Variants in TTN observed in about 807,000 individuals in gnomAD.
The protein encoded by TTN is titin.
A neutral mutation model predicts 3,223.0 loss-of-function variants in TTN; 1,525 were observed. The ratio of observed to expected loss-of-function variants is 0.47; its 90% CI spans 0.45 to 0.49. The LOEUF is 0.49. Among genes scored for constraint, TTN ranks in the 20% least tolerant of loss-of-function variants. The pLI is 0.00. For synonymous variants in TTN, 14,094 were observed against 15,161.0 expected, an observed-to-expected ratio of 0.93 and a Z score of 5.17; for missense variants, 40,786 against 43,424.0, an observed-to-expected ratio of 0.94 and a Z score of 5.40.
intron 163 of TTN, 65 bp from the exon 164 acceptor site, chr2:178,665,856 C>T: frequency 1.3e-6 from 1 of 788,742 alleles, no homozygotes; most frequent in South Asian, 6.2e-5. Flanking sequence ...CCCATCTTAA[C>T]TGCACATACA....
intron 38 of TTN, 152 bp from the exon 39 acceptor site, chr2:178,768,307 C>T: frequency 8.8e-7 from 1 of 1,130,774 alleles, no homozygotes. Flanking sequence ...TTAGAACATT[C>T]TCATTCCCCA....
At position 178,757,743 on chromosome 2, in the gene TTN, T is replaced by G; in HGVS notation, c.10477A>C (p.Lys3493Gln). The G allele has an allele frequency of 6.2e-7, 1 of 1,613,894 alleles. No homozygotes were observed. The highest frequency in any genetic ancestry group is 8.5e-7 in the Non-Finnish European group (1 of 1,179,804). Residue 3493 changes from lysine to glutamine, a missense_variant, in exon 45 of 363, where the codon AAG becomes CAG. Transcript: ENST00000589042. The part of the protein sequence containing the change: ...RFHARVSGIP[K>Q]PEIQWFHNQQ... ...TTATGAAACCATTGGATTTCTGGCTTGGGAATGCCAGAAACCCTCGCATGA... is the reference window on the plus strand; with the variant it reads ...TTATGAAACCATTGGATTTCTGGCTGGGGAATGCCAGAAACCCTCGCATGA...
At chr2:178,640,202 A>G (rs2061047533) in intron 221 of TTN, 92 bp from the exon 222 acceptor site, 1 of 1,154,260 alleles carries the variant, frequency 8.7e-7, no homozygotes, top group Admixed American at 2.3e-5. Context: ...GTATCTTGGA[A>G]GATATTAGAA....
At position 178,699,567 on chromosome 2, in the gene TTN, G is replaced by A. The variant is rs528060300; in HGVS notation, c.30683-653C>T. The stretch of plus-strand genomic sequence containing the variant: ...GCTGGGACTACAGGCGCCCGCCACC[G>A]CGCCCGGCTAATTTTTTGTATTTTT... On this transcript the variant is annotated intron_variant, in intron 111 of 362. Transcript: ENST00000589042. Among the ~76,000 whole-genome samples, 350 of 138,334 alleles carry A rather than the reference G, an allele frequency of 2.5e-3. 3 individuals carry two copies. Among genetic ancestry groups the A allele is most frequent in the African/African-American group, 8.3e-3 (314 of 37,610 alleles). The allele number at this position is 138,334 out of a possible 152,430, so 90.8% of individuals were successfully genotyped here.
At chr2:178,537,288 T>C in intron 355 of TTN, 45 bp from the exon 356 acceptor site, 1 of 1,532,544 alleles carries the variant, frequency 6.5e-7, no homozygotes, top group African/African-American at 1.4e-5. Flanking sequence ...TAGTGTGTTT[T>C]TGAGATTTTT....
rs956813031 is a variant in TTN at position 178,728,774 on chromosome 2, T to C, written c.19152A>G (p.Pro6384=). 6.3e-6 allele frequency: 10 copies of C among 1,597,684 alleles called. No individual in the cohort carries two copies. The African/African-American group carries it at 1.3e-4, about 21-fold the overall frequency. The change falls in exon 66 of 363, where the codon CCA becomes CCG. Residue 6384 remains proline, a synonymous_variant. Coordinates refer to ENST00000589042, the MANE Select transcript of TTN (RefSeq NM_001267550.2). Reference sequence around the variant, plus strand: ...ATTTAGCTTTCTCTACGATTTGAGCTGGTTCTGTAGTAAAAATGAAAATGT... The same window carrying C: ...ATTTAGCTTTCTCTACGATTTGAGCCGGTTCTGTAGTAAAAATGAAAATGT... ...RCYAFLLVQE[P]AQIVEKAKSV...
In TTN at chr2:178,581,644, T is replaced by C. The variant is rs2047769242; in HGVS notation, c.66624A>G (p.Leu22208=). 6.2e-7 allele frequency: 1 copy of C among 1,612,796 alleles called. No homozygotes were observed. The highest frequency in any genetic ancestry group is 1.7e-5 in the Admixed American group (1 of 59,942). Residue 22208 remains leucine, a synonymous_variant, in exon 316 of 363, where the codon TTA becomes TTG. Transcript: ENST00000589042. ...AGCGGGTTTTCTGTAGATTCTGTGG[T>C]AAGTTGCACCTCACCCAGTTATCGG... ...ADSDNWVRCN[L]PQNLQKTRFE...
At position 178,557,755 on chromosome 2, in the gene TTN, A is replaced by G; in HGVS notation, c.87599T>C (p.Met29200Thr). The G allele has an allele frequency of 2.5e-6, 4 of 1,613,954 alleles. No homozygotes were observed. Among genetic ancestry groups the G allele is most frequent in the South Asian group, 2.2e-5 (2 of 91,080 alleles). ...ATVARTMMKV[M>T]KLTTGEEYQF... The stretch of plus-strand genomic sequence containing the variant: ...GTATTCTTCTCCTGTGGTCAGTTTC[A>G]TGACTTTCATCATGGTTCTTGCAAC... Residue 29200 changes from methionine to threonine, a missense_variant, in exon 328 of 363, where the codon ATG becomes ACG. Transcript: ENST00000589042.
chr2:178,651,984 T>C lies in TTN; in HGVS notation c.39296-17A>G. 1 of 1,610,948 alleles carries C rather than the reference T, an allele frequency of 6.2e-7. No homozygotes were observed. Among genetic ancestry groups the C allele is most frequent in the Non-Finnish European group, 8.5e-7 (1 of 1,178,476 alleles). On this transcript the variant is annotated splice_polypyrimidine_tract_variant and intron_variant, in intron 204 of 362. Coordinates refer to ENST00000589042, the MANE Select transcript of TTN (RefSeq NM_001267550.2). ...CCTCGAACACTTTAAAGACATGAGC[T>C]CATTTTAATGCCAGAATTGACTAAA...
chr2:178,580,293 T>C (rs1177844825), intron 317 of TTN, 29 bp downstream of exon 317: 2 of 1,606,000 alleles, frequency 1.2e-6, no homozygotes, highest in Non-Finnish European at 8.5e-7. Context: ...TTTTAAAATA[T>C]ATATGATTCT....
In TTN at chr2:178,553,303, C is replaced by T; in HGVS notation, c.89597G>A (p.Arg29866Lys). The T allele has an allele frequency of 6.2e-7, 1 of 1,607,856 alleles. No homozygotes were observed. Among genetic ancestry groups the T allele is most frequent in the Non-Finnish European group, 8.5e-7 (1 of 1,179,770 alleles). The change falls in exon 335 of 363, where the codon AGA becomes AAA. Residue 29866 changes from arginine (R) to lysine (K), a missense_variant. Physicochemically the swap from Arg to Lys is conservative, Grantham distance 26. Coordinates refer to ENST00000589042, the MANE Select transcript of TTN (RefSeq NM_001267550.2). Reference protein sequence around the residue: ...DVQVLIPFKGRPPPTVTWRKD... With the variant: ...DVQVLIPFKGKPPPTVTWRKD... ...TCTCCATGTGACAGTAGGTGGAGGT[C>T]TGCCTTTAAAGGGAATCAACACTTG...
intron 223 of TTN, among the ~76,000 whole-genome samples, chr2:178,638,633 C>T (rs947067822): frequency 2.0e-5 from 3 of 150,830 alleles, no homozygotes; most frequent in Admixed American, 6.6e-5. Context: ...TCCATAGGAA[C>T]AAATTGTCAA....
intron 47 of TTN, chr2:178,751,050 T>C (rs564797550): frequency 1.2e-6 from 2 of 1,612,816 alleles, no homozygotes; most frequent in African/African-American, 2.7e-5. Context: ...TCAGATTCTA[T>C]ATTTTGATCC....
At position 178,535,212 on chromosome 2, in the gene TTN, T is replaced by C. The variant is rs1487993624; in HGVS notation, c.101403A>G (p.Glu33801=). ...AGTGAGATGCTTTAGTCATGGAGAC[T>C]TCCCTGGTTTCATCTACCTCTTCAT... The part of the protein sequence containing the change: ...NYDEEVDETR[E]VSMTKASHSS... The change falls in exon 358 of 363, where the codon GAA becomes GAG. Residue 33801 remains glutamate (E), a synonymous_variant. Transcript: ENST00000589042. 2 of 1,613,956 alleles carry C rather than the reference T, an allele frequency of 1.2e-6. No homozygotes were observed. The highest frequency in any genetic ancestry group is 1.1e-5 in the South Asian group (1 of 91,086).
In TTN at chr2:178,549,353, C is replaced by T; in HGVS notation, c.92273G>A (p.Arg30758Lys). 5 of 1,613,850 alleles carry T rather than the reference C, an allele frequency of 3.1e-6. No homozygotes were observed. The highest frequency in any genetic ancestry group is 4.2e-6 in the Non-Finnish European group (5 of 1,179,808). ...GSEIQQYILERREKKSTRWVK... is the reference protein window; with the variant it reads ...GSEIQQYILEKREKKSTRWVK... The stretch of plus-strand genomic sequence containing the variant: ...CCATCTTGTGCTTTTCTTTTCTCTT[C>T]TTTCAAGGATATACTGTTGAATTTC... The change falls in exon 339 of 363, where the codon AGA (arginine) becomes AAA (lysine). Residue 30758 changes from arginine (R) to lysine (K), a missense_variant. Coordinates refer to ENST00000589042, the MANE Select transcript of TTN (RefSeq NM_001267550.2).
chr2:178,569,817 C>T lies in TTN; in HGVS notation c.76315G>A (p.Gly25439Arg). 6.2e-7 allele frequency: 1 copy of T among 1,613,378 alleles called. No individual in the cohort carries two copies. Among genetic ancestry groups the T allele is most frequent in the Non-Finnish European group, 8.5e-7 (1 of 1,179,608 alleles). ...ACATCACATTTTTCAACAATGTATC[C>T]TTGAATTTCACAGCCACCATCATAT... ...PIYDGGCEIQ[G>R]YIVEKCDVSV... The change falls in exon 326 of 363, where the codon GGA (glycine) becomes AGA (arginine). Residue 25439 changes from glycine (G) to arginine (R), a missense_variant. Gly to Arg is a moderately radical substitution (Grantham distance 125, BLOSUM62 -2). Transcript: ENST00000589042.
chr2:178,642,443 A>G (rs942510069), intron 218 of TTN, 126 bp from the exon 219 acceptor site: 2 of 711,928 alleles, frequency 2.8e-6, no homozygotes, highest in Admixed American at 3.0e-5. Context: ...CTGCATATAA[A>G]TACCACAGAA....
Position 178,583,623 on chromosome 2 carries a change from A to C in TTN, c.65559T>G (p.Thr21853=). ...GAATCTTACCATTTTCTGCGAGGAT[A>C]GTCACTGGATCAGAAGGTTCAGAAG... ...SPPSEPSDPV[T]ILAENVPPRI... The change falls in exon 312 of 363, where the codon ACT becomes ACG. Residue 21853 remains threonine (T), a synonymous_variant. Transcript: ENST00000589042. 1 of 1,602,824 alleles carries C rather than the reference A, an allele frequency of 6.2e-7. No homozygotes were observed. The highest frequency in any genetic ancestry group is 8.5e-7 in the Non-Finnish European group (1 of 1,172,592).
At position 178,776,186 on chromosome 2, in the gene TTN, C is replaced by G; in HGVS notation, c.5678G>C (p.Gly1893Ala). 1.2e-6 allele frequency: 2 copies of G among 1,614,130 alleles called. No individual in the cohort carries two copies. The highest frequency in any genetic ancestry group is 1.7e-6 in the Non-Finnish European group (2 of 1,179,980). ...GTCCACGATGTCCAGGTAATGGATA[C>G]CATCATAGCGAACTCTGAACCTTTT... ...KSKRFRVRYD[G>A]IHYLDIVDCK... The change falls in exon 28 of 363, where the codon GGT (glycine) becomes GCT (alanine). Residue 1893 changes from glycine to alanine, a missense_variant. Coordinates refer to ENST00000589042, the MANE Select transcript of TTN (RefSeq NM_001267550.2).
Sources: gnomAD v4.1 joint callset for allele counts (sites outside exome capture counted in the v4.1 genomes callset) on GRCh38, gnomAD v4.1.1 for gene constraint, MANE v1.5 for transcripts, NCBI Gene and HGNC (gene_info 2026-07-23, HGNC 2026-07-21) for gene names.